RBFOX1: variants seen among roughly 807,000 people sequenced by gnomAD.
RBFOX1 encodes RNA binding fox-1 homolog 1.
Under a neutral mutation model 57.7 loss-of-function variants are expected in RBFOX1, and 8 were observed. The observed-to-expected ratio is 0.14, with a 90% confidence interval of 0.08 to 0.25. The LOEUF (loss-of-function observed/expected upper bound fraction) is 0.25. Ranked by LOEUF, RBFOX1 falls within the 10% of genes least tolerant of loss-of-function variation. The pLI, the probability that RBFOX1 is intolerant of heterozygous loss-of-function variation, is 1.00. For missense variants in RBFOX1, 611 were observed against 548.5 expected (o/e 1.11, Z -1.14); for synonymous variants, 326 against 222.4 (o/e 1.47, Z -4.15).
chr16:5,736,485 C>G (rs2052577326), intron 3 of RBFOX1, among the ~76,000 whole-genome samples: 1 of 152,116 alleles, frequency 6.6e-6, no homozygotes, highest in Non-Finnish European at 1.5e-5. Flanking sequence ...CTCCCCGACT[C>G]TCCTCCCTGC....
intron 1 of RBFOX1, among the ~76,000 whole-genome samples, chr16:5,387,393 C>G (rs531159524): frequency 6.6e-6 from 1 of 152,198 alleles, no homozygotes; most frequent in Non-Finnish European, 1.5e-5. Flanking sequence ...CATGGTGACT[C>G]TGTAAAGTCA....
chr16:5,801,754 G>A (rs1299014525), intron 3 of RBFOX1, among the ~76,000 whole-genome samples: 2 of 148,398 alleles, frequency 1.3e-5, no homozygotes, highest in East Asian at 3.9e-4. Flanking sequence ...TAGGTTTTTT[G>A]TGTTGTTTGT....
rs879715496 is a variant in RBFOX1 at position 6,554,747 on chromosome 16, C to CACACAG, written c.-63-99851_-63-99850insGACACA. 5.2e-3 allele frequency among the ~76,000 whole-genome samples: 787 copies of CACACAG among 149,946 alleles called. 3 individuals are homozygous for CACACAG. The highest frequency in any genetic ancestry group is 6.2e-3 in the Non-Finnish European group (420 of 67,700). On this transcript the variant is annotated intron_variant, in intron 2 of 15. Coordinates refer to ENST00000550418, the MANE Select transcript of RBFOX1 (RefSeq NM_018723.4). ...ACAGACACACACACACACACACACA[C>CACACAG]ACACACACACAGACACACACACAAA...
intron 4 of RBFOX1, among the ~76,000 whole-genome samples, chr16:7,334,726 T>C (rs1466973348): frequency 6.6e-6 from 1 of 152,224 alleles, no homozygotes; most frequent in African/African-American, 2.4e-5. Flanking sequence ...CTGGACGTAT[T>C]ACCCCAGTGA....
intron 3 of RBFOX1, among the ~76,000 whole-genome samples, chr16:6,960,117 G>A (rs2082651615): frequency 6.6e-6 from 1 of 152,054 alleles, no homozygotes; most frequent in Non-Finnish European, 1.5e-5. Flanking sequence ...GGGGTCTGAA[G>A]AAACTCCCCA....
At chr16:7,068,586 A>G (rs1294851138) in intron 4 of RBFOX1, among the ~76,000 whole-genome samples, 1 of 151,970 alleles carries the variant, frequency 6.6e-6, no homozygotes, top group African/African-American at 2.4e-5. Flanking sequence ...TATTATTATT[A>G]TTATTATTTA....
At chr16:7,225,584 G>A (rs761536726) in intron 4 of RBFOX1, among the ~76,000 whole-genome samples, 3 of 151,954 alleles carry the variant, frequency 2.0e-5, no homozygotes, top group Non-Finnish European at 4.4e-5. Flanking sequence ...AGTGGGCCAT[G>A]TGAGATGATG....
At chr16:7,409,427 A>G (rs2098399900) in intron 4 of RBFOX1, among the ~76,000 whole-genome samples, 1 of 152,218 alleles carries the variant, frequency 6.6e-6, no homozygotes, top group Non-Finnish European at 1.5e-5. Flanking sequence ...TGGTTGGAGA[A>G]TGGCATTTCT....
intron 1 of RBFOX1, among the ~76,000 whole-genome samples, chr16:5,394,233 A>G (rs1435066388): frequency 6.6e-6 from 1 of 152,138 alleles, no homozygotes; most frequent in African/African-American, 2.4e-5. Context: ...CATGTTGGCC[A>G]GGCTGATCTC....
chr16:6,492,358 A>G (rs964703180), intron 2 of RBFOX1, among the ~76,000 whole-genome samples: 3 of 152,186 alleles, frequency 2.0e-5, no homozygotes, highest in African/African-American at 7.2e-5. Context: ...TCATGAGGTC[A>G]GGAGTTCAAG....
chr16:5,803,659 A>G (rs2055133470), intron 3 of RBFOX1, among the ~76,000 whole-genome samples: 1 of 152,222 alleles, frequency 6.6e-6, no homozygotes, highest in African/African-American at 2.4e-5. Context: ...CTAGAATTCT[A>G]CAAAGAGAAT....
intron 12 of RBFOX1, among the ~76,000 whole-genome samples, chr16:7,663,168 G>A (rs1412274370): frequency 6.6e-6 from 1 of 152,150 alleles, no homozygotes; most frequent in Non-Finnish European, 1.5e-5. Context: ...GGCAGAGGGT[G>A]GCTCTGCCTT....
chr16:7,382,422 A>G (rs1174480611), intron 4 of RBFOX1, among the ~76,000 whole-genome samples: 3 of 152,236 alleles, frequency 2.0e-5, no homozygotes, highest in Non-Finnish European at 2.9e-5. Flanking sequence ...CACCTTGATT[A>G]TGACTAATTA....
chr16:5,372,928 C>T (rs1052446280), intron 1 of RBFOX1, among the ~76,000 whole-genome samples: 14 of 152,320 alleles, frequency 9.2e-5, no homozygotes, highest in South Asian at 4.1e-4. Flanking sequence ...CTTCTGAAGA[C>T]GGGGAGAAGA....
chr16:6,466,807 A>C (rs2095059460), intron 2 of RBFOX1, among the ~76,000 whole-genome samples: 1 of 152,192 alleles, frequency 6.6e-6, no homozygotes, highest in Admixed American at 6.5e-5. Context: ...CAGCTACAGA[A>C]GAAGCAAAGA....
intron 4 of RBFOX1, among the ~76,000 whole-genome samples, chr16:6,003,712 T>G (rs976285679): frequency 2.0e-5 from 3 of 152,340 alleles, no homozygotes; most frequent in Non-Finnish European, 2.9e-5. Flanking sequence ...GCCAAGTTCT[T>G]TAACATCTCT....
At chr16:5,640,124 G>C (rs1279901963) in intron 3 of RBFOX1, among the ~76,000 whole-genome samples, 1 of 152,130 alleles carries the variant, frequency 6.6e-6, no homozygotes, top group Non-Finnish European at 1.5e-5. Context: ...CTGAGGGGTA[G>C]AAGTGGCCGC....
At chr16:6,264,923 G>T (rs1280296501) in intron 1 of RBFOX1, among the ~76,000 whole-genome samples, 1 of 152,114 alleles carries the variant, frequency 6.6e-6, no homozygotes, top group Non-Finnish European at 1.5e-5. Flanking sequence ...TTGAATAATT[G>T]AGCGAAGGAA....
intron 3 of RBFOX1, among the ~76,000 whole-genome samples, chr16:6,861,713 C>T (rs527948706): frequency 5.0e-4 from 76 of 151,536 alleles, no homozygotes; most frequent in African/African-American, 1.4e-3. Context: ...TTGGAAGGCC[C>T]GGAAGTCTTC....
Sources: allele counts gnomAD v4.1 joint callset (sites outside exome capture counted in the v4.1 genomes callset), GRCh38; gene constraint gnomAD v4.1.1; transcripts MANE v1.5; gene names NCBI Gene and HGNC (gene_info 2026-07-23, HGNC 2026-07-21).